ASZ1: variants seen among roughly 807,000 people sequenced by gnomAD.
The protein encoded by ASZ1 is ankyrin repeat, SAM and basic leucine zipper domain containing 1.
In ASZ1, 67 loss-of-function variants were observed where a neutral mutation model predicts 61.8. The ratio of observed to expected loss-of-function variants is 1.08; its 90% CI spans 0.89 to 1.33. The LOEUF (loss-of-function observed/expected upper bound fraction) is 1.33, where lower values mean the gene tolerates loss of function less well. Ranked by LOEUF, ASZ1 falls within the 40% of genes most tolerant of loss-of-function variation. The pLI is 0.00. For synonymous variants in ASZ1, 193 were observed against 192.7 expected, an observed-to-expected ratio of 1.00 and a Z score of -0.01; for missense variants, 577 against 554.5, an observed-to-expected ratio of 1.04 and a Z score of -0.41.
At chr7:117,366,700 A>T (rs115906266) in intron 12 of ASZ1, among the ~76,000 whole-genome samples, 3,217 of 152,058 alleles carry the variant, frequency 0.021, 115 homozygotes, top group African/African-American at 0.074. Context: ...AAAGAAGTCC[A>T]TACTCTTTAG....
intron 8 of ASZ1, 133 bp downstream of exon 8, chr7:117,381,936 A>G: frequency 1.6e-6 from 1 of 616,272 alleles, no homozygotes. Context: ...TAAAATTGGG[A>G]TGTACTACAA....
chr7:117,404,018 C>T (rs1796732203), intron 4 of ASZ1, among the ~76,000 whole-genome samples: 1 of 152,126 alleles, frequency 6.6e-6, no homozygotes, highest in South Asian at 2.1e-4. Flanking sequence ...TCCCCCTGCC[C>T]CTAGTCTTAG....
intron 4 of ASZ1, among the ~76,000 whole-genome samples, chr7:117,393,650 C>T (rs973592308): frequency 1.3e-5 from 2 of 152,052 alleles, no homozygotes; most frequent in Non-Finnish European, 1.5e-5. Flanking sequence ...CTAGATTTTG[C>T]TTTTAGCCAA....
chr7:117,404,417 C>CT (rs57876175), intron 4 of ASZ1, among the ~76,000 whole-genome samples: 51,406 of 130,362 alleles, frequency 0.39, 9,709 homozygotes, highest in South Asian at 0.46. Context: ...TGACTGTTTC[C>CT]TTTTTTTTTT....
Position 117,426,852 on chromosome 7 carries a change from C to T in ASZ1, c.189G>A (p.Gln63=). The T allele has an allele frequency of 6.2e-7, 1 of 1,613,006 alleles. No homozygotes were observed. ...AMTIGDVSLV[Q]ELLDSGISVD... ...ATCTCTCACCAGAATCTAGGAGCTCCTGGACCAATGAAACATCTCCGATGG... is the reference window on the plus strand; with the variant it reads ...ATCTCTCACCAGAATCTAGGAGCTCTTGGACCAATGAAACATCTCCGATGG... The change falls in exon 2 of 13, where the codon CAG becomes CAA. Residue 63 remains glutamine (Q), a synonymous_variant. Transcript: ENST00000284629.
At chr7:117,370,425 G>A (rs1321721585) in intron 10 of ASZ1, among the ~76,000 whole-genome samples, 1 of 152,146 alleles carries the variant, frequency 6.6e-6, no homozygotes, top group Non-Finnish European at 1.5e-5. Context: ...CAATGAAAGG[G>A]ATGGATTCAA....
chr7:117,418,086 C>T (rs1797029467), intron 4 of ASZ1, among the ~76,000 whole-genome samples: 2 of 152,138 alleles, frequency 1.3e-5, no homozygotes, highest in South Asian at 4.1e-4. Flanking sequence ...GCTTGACTGA[C>T]TTCTGTGTGT....
At chr7:117,374,658 C>A (rs1796105996) in intron 10 of ASZ1, among the ~76,000 whole-genome samples, 1 of 151,858 alleles carries the variant, frequency 6.6e-6, no homozygotes, top group African/African-American at 2.4e-5. Context: ...TGATTGTGAT[C>A]TCTTAAATCA....
intron 4 of ASZ1, among the ~76,000 whole-genome samples, chr7:117,407,256 T>C (rs1179847887): frequency 6.6e-6 from 1 of 152,140 alleles, no homozygotes; most frequent in African/African-American, 2.4e-5. Context: ...CAATATTAGA[T>C]TAAGTATATT....
intron 4 of ASZ1, among the ~76,000 whole-genome samples, chr7:117,418,141 A>C (rs945912286): frequency 6.6e-6 from 1 of 152,194 alleles, no homozygotes; most frequent in African/African-American, 2.4e-5. Flanking sequence ...TTCACTACCT[A>C]CAAAATCTCA....
At chr7:117,388,345 C>G (rs1379884772) in intron 4 of ASZ1, among the ~76,000 whole-genome samples, 1 of 151,836 alleles carries the variant, frequency 6.6e-6, no homozygotes, top group Admixed American at 6.6e-5. Context: ...CCAGAGGGTG[C>G]CATTATAAGG....
intron 4 of ASZ1, among the ~76,000 whole-genome samples, chr7:117,404,766 C>T (rs1796750597): frequency 6.6e-6 from 1 of 152,110 alleles, no homozygotes; most frequent in African/African-American, 2.4e-5. Flanking sequence ...GCCAGGCCCC[C>T]TTGAAGCCCA....
intron 4 of ASZ1, among the ~76,000 whole-genome samples, chr7:117,415,014 G>C (rs189784164): frequency 6.6e-6 from 1 of 152,146 alleles, no homozygotes; most frequent in African/African-American, 2.4e-5. Context: ...GGGATTGCTG[G>C]GTCAAATGGT....
chr7:117,379,168 TACACACAC>T (rs58457982), intron 10 of ASZ1, among the ~76,000 whole-genome samples: 1 of 69,724 alleles, frequency 1.4e-5, no homozygotes, highest in Non-Finnish European at 2.8e-5. Flanking sequence ...TATATATATA[TACACACAC>T]ACACACACAC....
intron 4 of ASZ1, among the ~76,000 whole-genome samples, chr7:117,396,009 T>C (rs1796569769): frequency 6.6e-6 from 1 of 152,206 alleles, no homozygotes; most frequent in South Asian, 2.1e-4. Flanking sequence ...CAACCTCTGA[T>C]TTAGAATGTT....
At chr7:117,385,004 T>C in intron 5 of ASZ1, 144 bp from the exon 6 acceptor site, 2 of 774,532 alleles carry the variant, frequency 2.6e-6, no homozygotes, top group Non-Finnish European at 3.7e-6. Flanking sequence ...CATTTTACAA[T>C]ATAATGTAAA....
At chr7:117,372,215 C>A (rs1796062719) in intron 10 of ASZ1, among the ~76,000 whole-genome samples, 1 of 152,148 alleles carries the variant, frequency 6.6e-6, no homozygotes, top group Admixed American at 6.6e-5. Context: ...TGATCAAATT[C>A]TCATGTCTTT....
intron 4 of ASZ1, among the ~76,000 whole-genome samples, chr7:117,387,345 A>AACG (rs1191713179): frequency 8.1e-5 from 12 of 148,828 alleles, no homozygotes; most frequent in Non-Finnish European, 1.5e-5. Context: ...CAACAACAAC[A>AACG]ACGCCACCCA....
intron 4 of ASZ1, among the ~76,000 whole-genome samples, chr7:117,399,157 G>A (rs1796630812): frequency 6.6e-6 from 1 of 152,174 alleles, no homozygotes; most frequent in Non-Finnish European, 1.5e-5. Context: ...CTGAGCCCAG[G>A]AGGTCGAGGC....
Sources: allele counts gnomAD v4.1 joint callset (sites outside exome capture counted in the v4.1 genomes callset), GRCh38; gene constraint gnomAD v4.1.1; transcripts MANE v1.5; gene names NCBI Gene and HGNC (gene_info 2026-07-23, HGNC 2026-07-21).